The following SLC29A4 variants were observed in gnomAD, a reference collection of about 807,000 sequenced individuals.
SLC29A4 encodes solute carrier family 29 member 4, also known as equilibrative nucleoside transporter 4.
Under a neutral mutation model 43.9 loss-of-function variants are expected in SLC29A4, and 36 were observed. The ratio of observed to expected loss-of-function variants is 0.82; its 90% confidence interval spans 0.63 to 1.08. SLC29A4 has a LOEUF of 1.08. Among genes scored for constraint, SLC29A4 ranks in the 50% least tolerant of loss-of-function variants. SLC29A4 has a pLI of 0.00. For synonymous variants in SLC29A4, 491 were observed against 338.0 expected (o/e 1.45, Z -4.97); for missense variants, 869 against 755.3 (o/e 1.15, Z -1.77).
intron 7 of SLC29A4, among the ~76,000 whole-genome samples, chr7:5,297,539 G>C (rs1338006656): frequency 7.9e-5 from 12 of 152,338 alleles, no homozygotes; most frequent in Non-Finnish European, 1.6e-4. Context: ...CCCTGGGACA[G>C]CCCACGTTCA....
At chr7:5,295,005 A>T (rs11760864) in intron 6 of SLC29A4, 71 bp downstream of exon 6, 243,833 of 1,348,838 alleles carry the variant, frequency 0.18, 24,743 homozygotes, top group Middle Eastern at 0.23. Flanking sequence ...CTTCCCAGGG[A>T]CTCCCCATGA....
chr7:5,298,986 A>T lies in SLC29A4; in HGVS notation c.883-2A>T. 1.2e-6 allele frequency: 2 copies of T among 1,607,912 alleles called. No homozygotes were observed. Among genetic ancestry groups the T allele is most frequent in the Non-Finnish European group, 8.5e-7 (1 of 1,179,414 alleles). ...CCCCATCCCACTCCATCCTCCCTCC[A>T]GGAGCACCCAGCCCCGGCCCTGGCC... On this transcript the variant is annotated splice_acceptor_variant, in intron 7 of 10. Transcript: ENST00000396872. LOFTEE classifies it high-confidence loss of function.
intron 3 of SLC29A4, 119 bp from the exon 4 acceptor site, chr7:5,291,005 C>G (rs1785267993): frequency 6.6e-7 from 1 of 1,522,550 alleles, no homozygotes; most frequent in Non-Finnish European, 9.0e-7. Flanking sequence ...GCTGAGTGAC[C>G]TCAGGGCAGC....
Position 5,287,291 on chromosome 7 carries a change from A to G in SLC29A4, c.-8-518A>G, listed in dbSNP as rs533079276. Reference sequence around the variant, plus strand: ...AAATTAGCCAGGCATGGTGTTTCGAACCTGTGGTCCCAGCTACTTGGGAGG... The same window carrying G: ...AAATTAGCCAGGCATGGTGTTTCGAGCCTGTGGTCCCAGCTACTTGGGAGG... On this transcript the variant is annotated intron_variant, in intron 1 of 10. Transcript: ENST00000396872. Among the ~76,000 whole-genome samples, 34 of 152,062 alleles carry G rather than the reference A, an allele frequency of 2.2e-4. No homozygotes were observed. The South Asian group carries it at 6.9e-3, about 31-fold the overall frequency.
intron 6 of SLC29A4, among the ~76,000 whole-genome samples, chr7:5,295,749 G>C (rs1190378801): frequency 1.1e-5 from 1 of 91,612 alleles, no homozygotes. Flanking sequence ...AGGTCCACCA[G>C]ATGCCCCAGA....
Position 5,303,068 on chromosome 7 carries a change from C to T in SLC29A4, c.*129C>T. The T allele has an allele frequency of 4.5e-6, 5 of 1,120,798 alleles. No homozygotes were observed. The South Asian group carries it at 5.8e-5, about 13-fold the overall frequency. 69.4% of individuals were successfully genotyped at this position (1,120,798 alleles called of 1,614,324 possible). A position where few individuals can be genotyped will look rare whatever the true frequency, so the allele number is the denominator to read the frequency against. On this transcript the variant is annotated 3_prime_UTR_variant, in exon 11 of 11. Coordinates refer to ENST00000396872, the MANE Select transcript of SLC29A4 (RefSeq NM_153247.4). ...CTCCCCCTGTGCCAGCAGCCCCACTCCCTCAGGGTCCAGCCATGCCCCACC... is the reference window on the plus strand; with the variant it reads ...CTCCCCCTGTGCCAGCAGCCCCACTTCCTCAGGGTCCAGCCATGCCCCACC...
rs536321537 is a variant in SLC29A4 at position 5,285,304 on chromosome 7, G to A, written c.-9+2222G>A. The stretch of plus-strand genomic sequence containing the variant: ...CCCCCAGCTCCAGATGTGGCAGGAC[G>A]GCCAGGGCTGACGAGGGGCAGTCAG... On this transcript the variant is annotated intron_variant, in intron 1 of 10. Transcript: ENST00000396872. Among the ~76,000 whole-genome samples the A allele has an allele frequency of 5.1e-4, 73 of 142,458 alleles. 1 individual carries two copies. The highest frequency in any genetic ancestry group is 1.7e-3 in the African/African-American group (66 of 38,798). 93.5% of individuals were successfully genotyped at this position (142,458 alleles called of 152,430 possible).
intron 10 of SLC29A4, among the ~76,000 whole-genome samples, chr7:5,301,606 T>C (rs1329022843): frequency 6.6e-6 from 1 of 152,176 alleles, no homozygotes. Context: ...GCCGTGGGCA[T>C]GGAGGTGAGT....
In SLC29A4 at chr7:5,302,777, C is replaced by G; in HGVS notation, c.1451-20C>G. The G allele has an allele frequency of 6.5e-7, 1 of 1,545,900 alleles. No individual in the cohort carries two copies. Among genetic ancestry groups the G allele is most frequent in the Non-Finnish European group, 8.7e-7 (1 of 1,143,692 alleles). On this transcript the variant is annotated intron_variant, in intron 10 of 10. Transcript: ENST00000396872. ...GTGGCCGCCCTGGCCCTGCTCCCCTCAGGCTGGTGTTGTCCACAGGGAACA... is the reference window on the plus strand; with the variant it reads ...GTGGCCGCCCTGGCCCTGCTCCCCTGAGGCTGGTGTTGTCCACAGGGAACA...
chr7:5,296,834 G>T (rs1785708417), intron 6 of SLC29A4, 102 bp from the exon 7 acceptor site: 4 of 1,323,992 alleles, frequency 3.0e-6, no homozygotes, highest in Non-Finnish European at 4.0e-6. Flanking sequence ...TGGAGGGCGG[G>T]GCCGGTGGGG....
intron 1 of SLC29A4, among the ~76,000 whole-genome samples, chr7:5,286,000 ACT>A (rs1354955569): frequency 1.3e-5 from 2 of 151,522 alleles, no homozygotes; most frequent in African/African-American, 2.4e-5. Flanking sequence ...ACAAAGCGAG[ACT>A]CTGTCTCAGA....
chr7:5,285,621 GC>G (rs1784897811), intron 1 of SLC29A4, among the ~76,000 whole-genome samples: 1 of 152,230 alleles, frequency 6.6e-6, no homozygotes, highest in South Asian at 2.1e-4. Flanking sequence ...CTGCCTAGAG[GC>G]TGGGAAGGGA....
intron 9 of SLC29A4, 60 bp downstream of exon 9, chr7:5,299,487 G>A (rs1460129723): frequency 6.5e-7 from 1 of 1,544,132 alleles, no homozygotes. Context: ...GACAAGGGAG[G>A]CCCTGGCCTA....
At chr7:5,285,417 A>G (rs1287811646) in intron 1 of SLC29A4, among the ~76,000 whole-genome samples, 1 of 152,200 alleles carries the variant, frequency 6.6e-6, no homozygotes, top group Non-Finnish European at 1.5e-5. Flanking sequence ...GTGGGTACCA[A>G]TTACCTGCGT....
Position 5,291,820 on chromosome 7 carries a change from A to C in SLC29A4, c.543A>C (p.Thr181=). 6.2e-7 allele frequency: 1 copy of C among 1,611,138 alleles called. No individual in the cohort carries two copies. Among genetic ancestry groups the C allele is most frequent in the Non-Finnish European group, 8.5e-7 (1 of 1,179,312 alleles). Residue 181 remains threonine, a splice_region_variant and synonymous_variant, in exon 5 of 11, where the codon ACA becomes ACC. Coordinates refer to ENST00000396872, the MANE Select transcript of SLC29A4 (RefSeq NM_153247.4). ...AAVGTVAFGC[T]VQQSSFYGYT... is the part of the protein sequence containing the mutation. Reference sequence around the variant, plus strand: ...TGGGCACCGTGGCCTTCGGCTGCACAGGTAGGAACCGGGGCCCAAGGGGGA... The same window carrying C: ...TGGGCACCGTGGCCTTCGGCTGCACCGGTAGGAACCGGGGCCCAAGGGGGA...
chr7:5,302,915 T>C lies in SLC29A4; in HGVS notation c.1569T>C (p.Asn523=). The C allele has an allele frequency of 1.2e-6, 2 of 1,608,216 alleles. No homozygotes were observed. Among genetic ancestry groups the C allele is most frequent in the Non-Finnish European group, 1.7e-6 (2 of 1,178,222 alleles). The change falls in exon 11 of 11, where the codon AAT becomes AAC. Residue 523 remains asparagine (N), a synonymous_variant. Transcript: ENST00000396872. ...GCTGCCTGCACGCCTCCACCGCCAA[T>C]GGTTCCATCCTCGCAGGCCTCTGAG... is the stretch of plus-strand genomic sequence containing the variant. ...HGSCLHASTA[N]GSILAGL
intron 1 of SLC29A4, among the ~76,000 whole-genome samples, chr7:5,286,697 G>A (rs115274842): frequency 0.026 from 3,986 of 152,170 alleles, 198 homozygotes; most frequent in African/African-American, 0.091. Flanking sequence ...AAGCACTGAG[G>A]CAAGACCACA....
At chr7:5,291,608 G>C in intron 4 of SLC29A4, 85 bp from the exon 5 acceptor site, 14 of 1,499,826 alleles carry the variant, frequency 9.3e-6, no homozygotes, top group Non-Finnish European at 1.3e-5. Context: ...GAAAGCCTCA[G>C]AGCGACTCTG....
At chr7:5,289,930 G>A (rs1358461494) in intron 2 of SLC29A4, among the ~76,000 whole-genome samples, 1 of 152,072 alleles carries the variant, frequency 6.6e-6, no homozygotes, top group African/African-American at 2.4e-5. Flanking sequence ...CTCTTGCCCA[G>A]GCTGGAGTGC....
Sources: gnomAD v4.1 joint callset for allele counts (sites outside exome capture counted in the v4.1 genomes callset) on GRCh38, gnomAD v4.1.1 for gene constraint, MANE v1.5 for transcripts, NCBI Gene and HGNC (gene_info 2026-07-23, HGNC 2026-07-21) for gene names.